The following SSBP2 variants were observed in gnomAD, a reference collection of about 807,000 sequenced individuals.
The protein encoded by SSBP2 is single stranded DNA binding protein 2, also known as single-stranded DNA-binding protein 2.
SSBP2 carries 17 observed loss-of-function variants against 61.8 expected under a neutral mutation model. The observed-to-expected ratio is 0.28, with a 90% CI of 0.19 to 0.41. The LOEUF (loss-of-function observed/expected upper bound fraction) is 0.41. Among genes scored for constraint, SSBP2 ranks in the 10% least tolerant of loss-of-function variants. The probability of loss-of-function intolerance (pLI) is 1.00; values close to 1 mark genes in which losing one functional copy is unlikely to be tolerated. For missense variants in SSBP2, 310 were observed against 458.7 expected (o/e 0.68, Z 2.96); for synonymous variants, 139 against 141.3 (o/e 0.98, Z 0.12).
intron 4 of SSBP2, among the ~76,000 whole-genome samples, chr5:81,611,823 A>G (rs1745478422): frequency 6.6e-6 from 1 of 152,098 alleles, no homozygotes; most frequent in Admixed American, 6.6e-5. Flanking sequence ...TCTCTTTTCC[A>G]CATTAGTTTC....
chr5:81,439,479 G>C (rs150516422), intron 14 of SSBP2, among the ~76,000 whole-genome samples: 74 of 151,144 alleles, frequency 4.9e-4, no homozygotes, highest in African/African-American at 1.7e-3. Flanking sequence ...TGGTAAGAAG[G>C]CATCACTTAT....
intron 1 of SSBP2, among the ~76,000 whole-genome samples, chr5:81,725,087 T>C (rs1284348890): frequency 6.6e-6 from 1 of 152,066 alleles, no homozygotes; most frequent in Non-Finnish European, 1.5e-5. Context: ...TAACATAATA[T>C]AAGGTTTTGT....
Position 81,416,246 on chromosome 5 carries a change from A to AC in SSBP2, c.*4257_*4258insG. 1 of 152,416 alleles carries AC rather than the reference A, an allele frequency of 6.6e-6. No homozygotes were observed. Among genetic ancestry groups the AC allele is most frequent in the African/African-American group, 2.4e-5 (1 of 41,534 alleles). 9.4% of individuals were successfully genotyped at this position (152,416 alleles called of 1,614,324 possible). ...AAAAAGAAAAAAAAATTTAAAAAAAAGGAAAACCAGTGTCAAAACACTAAA... is the reference window on the plus strand; with the variant it reads ...AAAAAGAAAAAAAAATTTAAAAAAAACGGAAAACCAGTGTCAAAACACTAAA... On this transcript the variant is annotated 3_prime_UTR_variant, in exon 17 of 17. Transcript: ENST00000320672.
chr5:81,506,829 A>G (rs906640541), intron 5 of SSBP2, among the ~76,000 whole-genome samples: 1 of 152,124 alleles, frequency 6.6e-6, no homozygotes, highest in African/African-American at 2.4e-5. Context: ...GGACTTATAA[A>G]ACCATATATT....
rs116438121 is a variant in SSBP2 at position 81,458,159 on chromosome 5, A to G, written c.687+2896T>C. 8.2e-3 allele frequency among the ~76,000 whole-genome samples: 1,252 copies of G among 152,330 alleles called. 12 individuals carry two copies. Among genetic ancestry groups the G allele is most frequent in the African/African-American group, 0.027 (1,138 of 41,572 alleles). On this transcript the variant is annotated intron_variant, in intron 10 of 16. Transcript: ENST00000320672. ...AAAAACAAGCTGAGAAACTGTTCCAAGTTAAAGGAGACAAAGAGACACGAA... is the reference window on the plus strand; with the variant it reads ...AAAAACAAGCTGAGAAACTGTTCCAGGTTAAAGGAGACAAAGAGACACGAA...
At chr5:81,482,047 T>G (rs893669649) in intron 6 of SSBP2, among the ~76,000 whole-genome samples, 2 of 152,010 alleles carry the variant, frequency 1.3e-5, no homozygotes, top group African/African-American at 4.8e-5. Context: ...GTTCAAGCAA[T>G]TCTCTCACCT....
intron 4 of SSBP2, among the ~76,000 whole-genome samples, chr5:81,539,821 T>C (rs1227855394): frequency 6.6e-6 from 1 of 152,132 alleles, no homozygotes; most frequent in Non-Finnish European, 1.5e-5. Flanking sequence ...GGTATACACG[T>C]GCCATGGAAG....
chr5:81,644,573 A>G (rs1383092856), intron 2 of SSBP2, among the ~76,000 whole-genome samples: 1 of 152,220 alleles, frequency 6.6e-6, no homozygotes, highest in East Asian at 1.9e-4. Flanking sequence ...ATTCAAGTTA[A>G]TGTTGGTGCC....
intron 10 of SSBP2, among the ~76,000 whole-genome samples, chr5:81,457,750 C>T (rs1339162063): frequency 2.6e-5 from 4 of 151,988 alleles, no homozygotes; most frequent in Non-Finnish European, 4.4e-5. Flanking sequence ...CAACCTCCAC[C>T]TCCTGGGTTC....
intron 4 of SSBP2, among the ~76,000 whole-genome samples, chr5:81,516,607 G>C (rs535802831): frequency 1.3e-5 from 2 of 151,968 alleles, no homozygotes; most frequent in East Asian, 3.9e-4. Flanking sequence ...TGTATTACAC[G>C]GACTCAGCTT....
At chr5:81,583,981 T>C (rs1774881731) in intron 4 of SSBP2, among the ~76,000 whole-genome samples, 1 of 152,232 alleles carries the variant, frequency 6.6e-6, no homozygotes, top group African/African-American at 2.4e-5. Context: ...ATTACAACAG[T>C]TTCTGTATTC....
intron 10 of SSBP2, among the ~76,000 whole-genome samples, chr5:81,452,454 C>G (rs769955782): frequency 3.3e-5 from 5 of 151,920 alleles, no homozygotes; most frequent in Admixed American, 6.6e-5. Context: ...AGAAATAAGT[C>G]TAGAGGCATC....
At chr5:81,565,047 T>A (rs1438074579) in intron 4 of SSBP2, among the ~76,000 whole-genome samples, 1 of 152,242 alleles carries the variant, frequency 6.6e-6, no homozygotes, top group Non-Finnish European at 1.5e-5. Flanking sequence ...GGATAAAGCA[T>A]TACGCATAGT....
At chr5:81,553,620 ACAT>A (rs974097716) in intron 4 of SSBP2, among the ~76,000 whole-genome samples, 15 of 152,164 alleles carry the variant, frequency 9.9e-5, no homozygotes, top group African/African-American at 3.6e-4. Flanking sequence ...TCAGTAACAA[ACAT>A]CATCAAAATA....
chr5:81,531,188 T>C (rs1275425875), intron 4 of SSBP2, among the ~76,000 whole-genome samples: 2 of 140,166 alleles, frequency 1.4e-5, no homozygotes, highest in Non-Finnish European at 3.0e-5. Context: ...CAGTGAGCCA[T>C]GACTGCACTC....
intron 4 of SSBP2, among the ~76,000 whole-genome samples, chr5:81,608,208 C>A (rs1277278663): frequency 6.6e-6 from 1 of 152,130 alleles, no homozygotes; most frequent in African/African-American, 2.4e-5. Context: ...TATCATCAGC[C>A]ACATTAATTA....
intron 3 of SSBP2, among the ~76,000 whole-genome samples, chr5:81,627,075 T>C (rs1485737876): frequency 2.6e-5 from 4 of 152,244 alleles, no homozygotes; most frequent in Admixed American, 1.3e-4. Flanking sequence ...AAAAATATTA[T>C]AGAAAAAGTC....
At chr5:81,554,983 G>A (rs928875646) in intron 4 of SSBP2, among the ~76,000 whole-genome samples, 4 of 152,072 alleles carry the variant, frequency 2.6e-5, no homozygotes, top group Non-Finnish European at 5.9e-5. Context: ...TAGTGCCACC[G>A]TGCAGATGTT....
intron 1 of SSBP2, among the ~76,000 whole-genome samples, chr5:81,724,104 C>A (rs12522859): frequency 6.6e-6 from 1 of 151,972 alleles, no homozygotes; most frequent in Non-Finnish European, 1.5e-5. Flanking sequence ...TGAAAGCACA[C>A]ATTTATTTTT....
Sources: allele counts gnomAD v4.1 joint callset (sites outside exome capture counted in the v4.1 genomes callset), GRCh38; gene constraint gnomAD v4.1.1; transcripts MANE v1.5; gene names NCBI Gene and HGNC (gene_info 2026-07-23, HGNC 2026-07-21).